The following SCN1A variants were observed in gnomAD, a reference collection of about 807,000 sequenced individuals.
The protein encoded by SCN1A is sodium channel protein type 1 subunit alpha.
Under a neutral mutation model 193.7 loss-of-function variants are expected in SCN1A, and 13 were observed. The ratio of observed to expected loss-of-function variants is 0.07; its 90% CI spans 0.04 to 0.11. The LOEUF is 0.11. Among genes scored for constraint, SCN1A ranks in the 10% least tolerant of loss-of-function variants. The pLI is 1.00. For missense variants in SCN1A, 1,432 were observed against 2,451.1 expected (o/e 0.58, Z 8.78); for synonymous variants, 781 against 843.6 (o/e 0.93, Z 1.29).
chr2:166,027,681 T>A (rs1694984996), intron 19 of SCN1A, among the ~76,000 whole-genome samples: 1 of 151,930 alleles, frequency 6.6e-6, no homozygotes, highest in South Asian at 2.1e-4. Flanking sequence ...TTTTTAAAGC[T>A]GGACAGGTAC....
At position 166,002,617 on chromosome 2, in the gene SCN1A, G is replaced by A; in HGVS notation, c.4139C>T (p.Thr1380Ile). The A allele has an allele frequency of 6.2e-7, 1 of 1,612,066 alleles. No homozygotes were observed. Among genetic ancestry groups the A allele is most frequent in the Non-Finnish European group, 8.5e-7 (1 of 1,178,804 alleles). Reference protein sequence around the residue: ...AGKFYHCINTTTGDRFDIEDV... With the variant: ...AGKFYHCINTITGDRFDIEDV... ...TTCGATGTCAAACCTGTCACCAGTT[G>A]TGGTGTTAATACAGTGGTAGAATTT... Residue 1380 changes from threonine to isoleucine, a missense_variant, in exon 24 of 29, where the codon ACA (threonine) becomes ATA (isoleucine). Physicochemically the swap from Thr to Ile is moderately conservative, Grantham distance 89 (BLOSUM62 -1). Coordinates refer to ENST00000674923, the MANE Select transcript of SCN1A (RefSeq NM_001165963.4).
At chr2:166,142,266 T>C (rs1692120275) in intron 1 of SCN1A, among the ~76,000 whole-genome samples, 1 of 152,210 alleles carries the variant, frequency 6.6e-6, no homozygotes, top group Non-Finnish European at 1.5e-5. Flanking sequence ...CCAAATAGTT[T>C]GCTTTTTATT....
In SCN1A at chr2:166,075,778, C is replaced by T. The variant is rs139418523; in HGVS notation, c.-50+1932G>A. ...TCTATGGAGTTTGTATGAACTTATT[C>T]TCCTGACAGCAATGTAACAGAGTGC... On this transcript the variant is annotated intron_variant, in intron 3 of 28. Coordinates refer to ENST00000674923, the MANE Select transcript of SCN1A (RefSeq NM_001165963.4). Among the ~76,000 whole-genome samples, 4 of 152,084 alleles carry T rather than the reference C, an allele frequency of 2.6e-5. No homozygotes were observed. The East Asian group carries it at 7.7e-4, about 29-fold the overall frequency.
rs1696351859 is a variant in SCN1A at position 166,036,271 on chromosome 2, A to C, written c.3206T>G (p.Ile1069Ser). 6.2e-7 allele frequency: 1 copy of C among 1,613,856 alleles called. No individual in the cohort carries two copies. Among genetic ancestry groups the C allele is most frequent in the Non-Finnish European group, 8.5e-7 (1 of 1,179,878 alleles). Residue 1069 changes from isoleucine (I) to serine (S), a missense_variant, in exon 19 of 29, where the codon ATT becomes AGT. By Grantham distance (142) the Ile-to-Ser change is moderately radical (BLOSUM62 -2). Transcript: ENST00000674923. Reference sequence around the variant, plus strand: ...TTTAAGATAGTCAAGATCTTTCCCAATTTCTGCTGTATGATTGGACATACA... The same window carrying C: ...TTTAAGATAGTCAAGATCTTTCCCACTTTCTGCTGTATGATTGGACATACA... Reference protein sequence around the residue: ...DSCMSNHTAEIGKDLDYLKDV... With the variant: ...DSCMSNHTAESGKDLDYLKDV...
At chr2:166,000,821 G>T (rs1225512136) in intron 24 of SCN1A, among the ~76,000 whole-genome samples, 1 of 150,908 alleles carries the variant, frequency 6.6e-6, no homozygotes, top group South Asian at 2.1e-4. Context: ...TGATTCAAGG[G>T]ACCATTTCAA....
chr2:166,009,915 A>AG, intron 22 of SCN1A, 74 bp from the exon 23 acceptor site: 4 of 1,413,618 alleles, frequency 2.8e-6, no homozygotes, highest in Non-Finnish European at 4.0e-6. Flanking sequence ...TAATACAACA[A>AG]GTATAATTTT....
chr2:165,999,636 A>C, intron 25 of SCN1A, 87 bp downstream of exon 25: 2 of 957,464 alleles, frequency 2.1e-6, no homozygotes, highest in South Asian at 2.6e-5. Flanking sequence ...AGATAGAATC[A>C]TTTCATTTGG....
At chr2:166,146,537 T>C (rs1254336283) in intron 1 of SCN1A, among the ~76,000 whole-genome samples, 2 of 152,200 alleles carry the variant, frequency 1.3e-5, no homozygotes, top group African/African-American at 4.8e-5. Flanking sequence ...AGGGTTTCTA[T>C]GGACACTTTG....
intron 2 of SCN1A, among the ~76,000 whole-genome samples, chr2:166,108,825 G>A (rs1688980594): frequency 6.6e-6 from 1 of 152,090 alleles, no homozygotes; most frequent in African/African-American, 2.4e-5. Context: ...GACTACAAGT[G>A]GGCATCAAGT....
intron 1 of SCN1A, among the ~76,000 whole-genome samples, chr2:166,148,603 T>G (rs185863497): frequency 1.1e-3 from 165 of 152,278 alleles, no homozygotes; most frequent in Non-Finnish European, 1.8e-3. Flanking sequence ...GCCAGTTTAT[T>G]CTTATACGAT....
Position 165,989,676 on chromosome 2 carries a change from G to A in SCN1A, c.*1569C>T, listed in dbSNP as rs942416437. The A allele has an allele frequency of 2.0e-5, 3 of 152,460 alleles. No homozygotes were observed. Among genetic ancestry groups the A allele is most frequent in the African/African-American group, 7.2e-5 (3 of 41,426 alleles). The allele number at this position is 152,460 out of a possible 1,614,324, so 9.4% of individuals were successfully genotyped here. ...TACAACTACCCAGTCTTGTTTTCAT[G>A]TCTTATTTAGCAAATTTCTTTCATG... On this transcript the variant is annotated 3_prime_UTR_variant, in exon 29 of 29. Transcript: ENST00000674923.
intron 2 of SCN1A, among the ~76,000 whole-genome samples, chr2:166,107,463 T>TAA (rs750375587): frequency 6.6e-6 from 1 of 151,486 alleles, no homozygotes; most frequent in Admixed American, 6.6e-5. Flanking sequence ...TCAACAGTTA[T>TAA]AAAAAAAAAT....
chr2:166,101,902 C>G (rs1187790527), intron 2 of SCN1A, among the ~76,000 whole-genome samples: 1 of 152,044 alleles, frequency 6.6e-6, no homozygotes, highest in Admixed American at 6.6e-5. Context: ...AGCATCTGCA[C>G]AACAAAAACA....
At chr2:166,075,421 CTTA>C in intron 3 of SCN1A, 1 of 151,990 alleles carries the variant, frequency 6.6e-6, no homozygotes, top group African/African-American at 2.4e-5. Context: ...CAAATGGAAT[CTTA>C]TTATACAAAC....
intron 24 of SCN1A, 39 bp downstream of exon 24, chr2:166,002,432 CA>C (rs1691020287): frequency 6.4e-7 from 1 of 1,570,358 alleles, no homozygotes; most frequent in African/African-American, 1.4e-5. Context: ...GTTATTATTC[CA>C]AACAATAAAA....
rs1358421236 is a variant in SCN1A, at chr2:166,054,686, A to C, written c.554T>G (p.Phe185Cys). The C allele has an allele frequency of 6.2e-7, 1 of 1,612,422 alleles. No homozygotes were observed. Among genetic ancestry groups the C allele is most frequent in the Non-Finnish European group, 8.5e-7 (1 of 1,178,922 alleles). The part of the protein sequence containing the change: ...ARGFCLEDFT[F>C]LRDPWNWLDF... ...GAGCCAGTTCCATGGATCCCGAAGG[A>C]AAGTAAAATCTTCTAAACAGAATCC... is the stretch of plus-strand genomic sequence containing the variant. Residue 185 changes from phenylalanine to cysteine, a missense_variant, in exon 7 of 29, where the codon TTC becomes TGC. Transcript: ENST00000674923.
chr2:166,092,090 C>T (rs61353995), intron 2 of SCN1A, among the ~76,000 whole-genome samples: 2,892 of 151,978 alleles, frequency 0.019, 98 homozygotes, highest in African/African-American at 0.066. Flanking sequence ...AATGTAATAC[C>T]AAATTTTAAT....
chr2:166,085,443 G>A (rs1386092795), intron 2 of SCN1A, among the ~76,000 whole-genome samples: 1 of 152,074 alleles, frequency 6.6e-6, no homozygotes, highest in Non-Finnish European at 1.5e-5. Flanking sequence ...GCTCAGAGGG[G>A]TTTCTCTTTA....
At chr2:166,095,611 A>G (rs1264722243) in intron 2 of SCN1A, among the ~76,000 whole-genome samples, 2 of 152,192 alleles carry the variant, frequency 1.3e-5, no homozygotes, top group African/African-American at 2.4e-5. Context: ...TATTGGTTCT[A>G]CCAAATTTGT....
Sources: allele counts gnomAD v4.1 joint callset (sites outside exome capture counted in the v4.1 genomes callset), GRCh38; gene constraint gnomAD v4.1.1; transcripts MANE v1.5; gene names NCBI Gene and HGNC (gene_info 2026-07-23, HGNC 2026-07-21).